Variants in FOCAD observed in about 807,000 individuals in gnomAD.
The protein encoded by FOCAD is KIAA1797.
A neutral mutation model predicts 225.6 loss-of-function variants in FOCAD; 198 were observed. That is an observed-to-expected ratio of 0.88 (90% CI 0.78 to 0.99). FOCAD has a LOEUF of 0.99. Ranked by LOEUF, FOCAD falls within the 50% of genes least tolerant of loss-of-function variation. FOCAD has a pLI of 0.00. For missense variants in FOCAD, 2,713 were observed against 2,123.6 expected (o/e 1.28, Z -5.46); for synonymous variants, 897 against 755.0 (o/e 1.19, Z -3.08).
At chr9:20,680,788 G>A (rs1023727492), upstream of FOCAD, among the ~76,000 whole-genome samples, 1 of 152,146 alleles carries the variant, frequency 6.6e-6, no homozygotes, top group African/African-American at 2.4e-5. Context: ...ACAGCATAGT[G>A]AGACTTCATT....
intron 11 of FOCAD, among the ~76,000 whole-genome samples, chr9:20,793,123 A>T (rs970522961): frequency 6.6e-6 from 1 of 152,342 alleles, no homozygotes; most frequent in East Asian, 1.9e-4. Flanking sequence ...CAGAATGTAC[A>T]GTACTTTTAA....
At chr9:20,769,332 G>C in intron 7 of FOCAD, among the ~76,000 whole-genome samples, 1 of 152,222 alleles carries the variant, frequency 6.6e-6, no homozygotes, top group Non-Finnish European at 1.5e-5. Flanking sequence ...ATAGGCTCCT[G>C]ATTGAAGCAG....
Position 20,989,316 on chromosome 9 carries a change from C to G in FOCAD, c.5005-807C>G, listed in dbSNP as rs77112757. Among the ~76,000 whole-genome samples the G allele has an allele frequency of 6.6e-3, 1,009 of 152,216 alleles. 12 individuals carry two copies. Among genetic ancestry groups the G allele is most frequent in the African/African-American group, 0.023 (954 of 41,534 alleles). ...TTTTTTTGAACTTGCGTGATCTGTC[C>G]TCTTTCTTCTGATTTCCTAAGTTTT... On this transcript the variant is annotated intron_variant, in intron 41 of 43. Coordinates refer to ENST00000338382, the MANE Select transcript of FOCAD (RefSeq NM_001375567.1).
In FOCAD at chr9:20,686,067, C is replaced by G. The variant is rs576605779; in HGVS notation, c.-33+1774C>G. 7.2e-5 allele frequency among the ~76,000 whole-genome samples: 11 copies of G among 152,240 alleles called. No individual in the cohort carries two copies. In the East Asian group the frequency reaches 1.9e-3, roughly 27 times the overall value. ...CTTCATGATACTTTTGGGATATTGT[C>G]CACAAGTGATTAGTTGAATTAAATT... is the stretch of plus-strand genomic sequence containing the variant. On this transcript the variant is annotated intron_variant, in intron 1 of 43. Transcript: ENST00000338382.
rs140557457 is a variant in FOCAD, at chr9:20,700,852, C to G, written c.-32-14470C>G. Among the ~76,000 whole-genome samples, 465 of 152,308 alleles carry G rather than the reference C, an allele frequency of 3.1e-3. 1 individual carries two copies. Among genetic ancestry groups the G allele is most frequent in the Non-Finnish European group, 5.4e-3 (367 of 68,024 alleles). ...GTGCTAAACACAATAATTCAGCAAA[C>G]ATTTATTAACTGCTTATTCCATGCC... On this transcript the variant is annotated intron_variant, in intron 1 of 43. Transcript: ENST00000338382.
chr9:20,906,247 T>C (rs1832970420), intron 21 of FOCAD, among the ~76,000 whole-genome samples: 1 of 152,052 alleles, frequency 6.6e-6, no homozygotes, highest in Non-Finnish European at 1.5e-5. Flanking sequence ...TTAATTCTTA[T>C]AATACAATAA....
At chr9:20,929,654 T>G (rs572302978) in intron 27 of FOCAD, 58 bp downstream of exon 27, 1 of 1,314,614 alleles carries the variant, frequency 7.6e-7, no homozygotes, top group Admixed American at 1.8e-5. Context: ...CAAAGGATTT[T>G]GCACCCATAT....
At chr9:20,995,258 T>C (rs1254472204) in intron 43 of FOCAD, among the ~76,000 whole-genome samples, 1 of 151,964 alleles carries the variant, frequency 6.6e-6, no homozygotes, top group African/African-American at 2.4e-5. Context: ...CACAGCCATG[T>C]AGTCAGCACC....
rs1332134133 is a variant in FOCAD, at chr9:20,981,603, C to T, written c.4555C>T (p.Leu1519=). ...ACACGGTCTGAGCCAGGCCATGAAA[C>T]TGCCCAGCCCTGCCCACCACCTCTG... ...ALHGLSQAMK[L]PSPAHHLWSL... The change falls in exon 38 of 44, where the codon CTG becomes TTG. Residue 1519 remains leucine, a synonymous_variant. Transcript: ENST00000338382. The T allele has an allele frequency of 1.2e-6, 2 of 1,614,056 alleles. No homozygotes were observed. The highest frequency in any genetic ancestry group is 2.2e-5 in the East Asian group (1 of 44,814).
intron 1 of FOCAD, among the ~76,000 whole-genome samples, chr9:20,706,088 C>G (rs943869793): frequency 6.6e-6 from 1 of 151,818 alleles, no homozygotes; most frequent in African/African-American, 2.4e-5. Context: ...GCATGAGCCA[C>G]CATACCCGGC....
intron 2 of FOCAD, among the ~76,000 whole-genome samples, chr9:20,670,740 G>A (rs911600331): frequency 3.3e-5 from 5 of 151,458 alleles, no homozygotes; most frequent in African/African-American, 9.8e-5. Context: ...ATAAGGAACC[G>A]GAAGCTTAGA....
chr9:20,720,904 C>T (rs913431371), intron 4 of FOCAD, among the ~76,000 whole-genome samples: 3 of 152,190 alleles, frequency 2.0e-5, no homozygotes, highest in Non-Finnish European at 2.9e-5. Flanking sequence ...ATTGTAGTGG[C>T]ATTACTTGGC....
intron 1 of FOCAD, among the ~76,000 whole-genome samples, chr9:20,714,576 C>T (rs1349828668): frequency 6.6e-6 from 1 of 150,428 alleles, no homozygotes; most frequent in East Asian, 2.0e-4. Context: ...CCTGCTTTAC[C>T]ACCTGCCTTC....
intron 21 of FOCAD, among the ~76,000 whole-genome samples, chr9:20,901,225 T>A (rs2131979934): frequency 6.6e-6 from 1 of 151,600 alleles, no homozygotes; most frequent in South Asian, 2.1e-4. Context: ...TGTGTGTGTG[T>A]GTGTGTGTCT....
intron 15 of FOCAD, among the ~76,000 whole-genome samples, chr9:20,847,482 T>G (rs1298979468): frequency 6.6e-6 from 1 of 152,030 alleles, no homozygotes; most frequent in East Asian, 1.9e-4. Flanking sequence ...ATTTTTTTTT[T>G]TTTTTTAGAT....
intron 15 of FOCAD, among the ~76,000 whole-genome samples, chr9:20,827,921 C>T (rs956898777): frequency 1.2e-4 from 18 of 151,672 alleles, no homozygotes; most frequent in African/African-American, 4.4e-4. Context: ...ACCTGTAATC[C>T]CAGCACTTTG....
chr9:20,979,527 T>TG (rs1289633846), intron 37 of FOCAD, among the ~76,000 whole-genome samples: 2 of 152,096 alleles, frequency 1.3e-5, no homozygotes, highest in Admixed American at 6.5e-5. Context: ...TTAGTAGAGA[T>TG]GGGGTTTCAC....
At chr9:20,947,609 C>T (rs779929073) in intron 30 of FOCAD, among the ~76,000 whole-genome samples, 8 of 151,880 alleles carry the variant, frequency 5.3e-5, no homozygotes, top group Non-Finnish European at 1.2e-4. Context: ...GTACTTAATG[C>T]CGCTGAACTG....
rs1200195004 is a variant in FOCAD, at chr9:20,981,570, A to C, written c.4522A>C (p.Ser1508Arg). 1 of 1,614,106 alleles carries C rather than the reference A, an allele frequency of 6.2e-7. No individual in the cohort carries two copies. The highest frequency in any genetic ancestry group is 2.2e-5 in the East Asian group (1 of 44,826). The change falls in exon 38 of 44, where the codon AGT becomes CGT. Residue 1508 changes from serine to arginine, a missense_variant. Transcript: ENST00000338382. The part of the protein sequence containing the change: ...SPLGSPELCP[S>R]ALHGLSQAMK... ...ACTTGGAAGTCCTGAGCTATGCCCA[A>C]GTGCTTTACACGGTCTGAGCCAGGC... is the stretch of plus-strand genomic sequence containing the variant.
Sources: allele counts gnomAD v4.1 joint callset (sites outside exome capture counted in the v4.1 genomes callset), GRCh38; gene constraint gnomAD v4.1.1; transcripts MANE v1.5; gene names NCBI Gene and HGNC (gene_info 2026-07-23, HGNC 2026-07-21).